EYA1: variants seen among roughly 807,000 people sequenced by gnomAD.
The protein encoded by EYA1 is EYA transcriptional coactivator and phosphatase 1, also known as protein phosphatase EYA1.
In EYA1, 16 loss-of-function variants were observed where a neutral mutation model predicts 82.0. The ratio of observed to expected loss-of-function variants is 0.20; its 90% CI spans 0.13 to 0.30. EYA1 has a LOEUF of 0.30. Among genes scored for constraint, EYA1 ranks in the 10% least tolerant of loss-of-function variants. EYA1 has a pLI of 1.00. For synonymous variants in EYA1, 261 were observed against 264.4 expected (o/e 0.99, Z 0.12); for missense variants, 633 against 730.7 (o/e 0.87, Z 1.54).
At chr8:71,366,137 C>T (rs945065946), upstream of EYA1, among the ~76,000 whole-genome samples, 3 of 149,418 alleles carry the variant, frequency 2.0e-5, no homozygotes, top group Non-Finnish European at 4.5e-5. Context: ...GTAGTAATGG[C>T]TGCCTATCAG....
At chr8:71,255,538 T>C (rs888116685) in intron 11 of EYA1, among the ~76,000 whole-genome samples, 2 of 152,100 alleles carry the variant, frequency 1.3e-5, no homozygotes, top group African/African-American at 2.4e-5. Context: ...AAACTGGATA[T>C]CCACATGCAA....
chr8:71,447,082 T>TTA (rs5892279), intron 2 of EYA1, among the ~76,000 whole-genome samples: 1,807 of 144,832 alleles, frequency 0.012, 10 homozygotes, highest in Middle Eastern at 0.055. Context: ...TTGATAATCT[T>TTA]TATATATATA....
In EYA1 at chr8:71,256,719, G is replaced by C. The variant is rs543672166; in HGVS notation, c.1051-12027C>G. 2.6e-5 allele frequency among the ~76,000 whole-genome samples: 4 copies of C among 152,130 alleles called. No individual in the cohort carries two copies. In the South Asian group the frequency reaches 6.2e-4, roughly 24 times the overall value. ...ATATCAAAATTAAAAATAAAAATTG[G>C]CCAGGCACGGTGGCTCATGCCTATA... On this transcript the variant is annotated intron_variant, in intron 11 of 17. Coordinates refer to ENST00000340726, the MANE Select transcript of EYA1 (RefSeq NM_000503.6).
At chr8:71,412,147 C>G (rs1464673694) in intron 2 of EYA1, among the ~76,000 whole-genome samples, 1 of 131,940 alleles carries the variant, frequency 7.6e-6, no homozygotes, top group Non-Finnish European at 1.6e-5. Flanking sequence ...CCAAACACCG[C>G]ATATTCTCAC....
At chr8:71,547,066 C>T (rs1386017148) in intron 1 of EYA1, among the ~76,000 whole-genome samples, 7 of 129,088 alleles carry the variant, frequency 5.4e-5, no homozygotes, top group African/African-American at 2.0e-4. Flanking sequence ...TTTTTCTTTG[C>T]TTTCCTAATT....
intron 2 of EYA1, among the ~76,000 whole-genome samples, chr8:71,533,400 C>T (rs1209691292): frequency 6.6e-6 from 1 of 152,144 alleles, no homozygotes; most frequent in Non-Finnish European, 1.5e-5. Flanking sequence ...GGGATTTACT[C>T]TAAATATGGC....
intron 16 of EYA1, among the ~76,000 whole-genome samples, chr8:71,214,728 G>A (rs1808959804): frequency 6.6e-6 from 1 of 152,138 alleles, no homozygotes. Flanking sequence ...GTACAGTTCA[G>A]GGCATCTAGT....
intron 4 of EYA1, among the ~76,000 whole-genome samples, chr8:71,331,916 T>G (rs2129044793): frequency 6.6e-6 from 1 of 152,292 alleles, no homozygotes; most frequent in East Asian, 1.9e-4. Context: ...GGTGCAATCA[T>G]AGCTCACTGC....
chr8:71,203,880 C>T (rs1342357409), intron 17 of EYA1, among the ~76,000 whole-genome samples: 1 of 152,042 alleles, frequency 6.6e-6, no homozygotes, highest in Non-Finnish European at 1.5e-5. Flanking sequence ...TGTGACTCAG[C>T]GGTGGGTGGG....
chr8:71,277,827 T>C (rs545105226), intron 9 of EYA1, among the ~76,000 whole-genome samples: 3 of 152,196 alleles, frequency 2.0e-5, no homozygotes, highest in Non-Finnish European at 4.4e-5. Flanking sequence ...AAAGGTTAAT[T>C]ATTTCTACAA....
upstream of EYA1, among the ~76,000 whole-genome samples, chr8:71,366,726 T>A (rs1325650116): frequency 5.9e-5 from 9 of 152,260 alleles, no homozygotes; most frequent in African/African-American, 9.6e-5. Context: ...CTGATTTTTT[T>A]AAATATGAGT....
intron 2 of EYA1, among the ~76,000 whole-genome samples, chr8:71,405,269 A>T (rs1830157431): frequency 6.6e-6 from 1 of 151,816 alleles, no homozygotes; most frequent in African/African-American, 2.4e-5. Flanking sequence ...AACAACAACA[A>T]ACAAGAGATG....
At chr8:71,305,981 G>A (rs1820697996) in intron 7 of EYA1, among the ~76,000 whole-genome samples, 1 of 152,110 alleles carries the variant, frequency 6.6e-6, no homozygotes, top group Admixed American at 6.5e-5. Flanking sequence ...CAAAAGAAGT[G>A]GGCATCATGA....
At chr8:71,230,878 T>C in intron 12 of EYA1, among the ~76,000 whole-genome samples, 1 of 152,236 alleles carries the variant, frequency 6.6e-6, no homozygotes, top group East Asian at 1.9e-4. Context: ...TTCAATATAT[T>C]CTTCCTGGGA....
At chr8:71,396,099 C>G (rs1197052531) in intron 2 of EYA1, among the ~76,000 whole-genome samples, 2 of 152,178 alleles carry the variant, frequency 1.3e-5, no homozygotes, top group African/African-American at 4.8e-5. Context: ...ATAGTATTCT[C>G]TGATGGTAGT....
At chr8:71,271,594 TAAAGG>T (rs1384425907) in intron 10 of EYA1, among the ~76,000 whole-genome samples, 159 bp downstream of exon 10, 2 of 152,186 alleles carry the variant, frequency 1.3e-5, no homozygotes, top group African/African-American at 4.8e-5. Flanking sequence ...CTATAGTTAA[TAAAGG>T]AGAGAAAATA....
chr8:71,239,346 C>A (rs2128895000), intron 12 of EYA1, among the ~76,000 whole-genome samples: 1 of 152,234 alleles, frequency 6.6e-6, no homozygotes, highest in South Asian at 2.1e-4. Flanking sequence ...CACAGGAAGG[C>A]AAAGTCAACT....
At chr8:71,477,092 C>T (rs1809724348) in intron 2 of EYA1, among the ~76,000 whole-genome samples, 1 of 152,008 alleles carries the variant, frequency 6.6e-6, no homozygotes, top group Admixed American at 6.6e-5. Flanking sequence ...GAATCAAAGA[C>T]TTAAATGCAA....
At position 71,280,035 on chromosome 8, in the gene EYA1, G is replaced by A. The variant is rs191478918; in HGVS notation, c.827-8138C>T. 3.5e-3 allele frequency among the ~76,000 whole-genome samples: 530 copies of A among 152,290 alleles called. 5 individuals are homozygous for A. The highest frequency in any genetic ancestry group is 0.022 in the Admixed American group (333 of 15,290). On this transcript the variant is annotated intron_variant, in intron 9 of 17. Coordinates refer to ENST00000340726, the MANE Select transcript of EYA1 (RefSeq NM_000503.6). ...ATGAATTCCGCTTGGTTTGATACAC[G>A]CACCAGAACTATACATCTTGTGAGT...
Sources: allele counts gnomAD v4.1 joint callset (sites outside exome capture counted in the v4.1 genomes callset), GRCh38; gene constraint gnomAD v4.1.1; transcripts MANE v1.5; gene names NCBI Gene and HGNC (gene_info 2026-07-23, HGNC 2026-07-21).